Variants in PELI2 observed in about 807,000 individuals in gnomAD.
PELI2 encodes E3 ubiquitin-protein ligase pellino homolog 2.
Under a neutral mutation model 42.3 loss-of-function variants are expected in PELI2, and 23 were observed. That is an observed-to-expected ratio of 0.54 (90% CI 0.39 to 0.77). The LOEUF is 0.77. Among genes scored for constraint, PELI2 ranks in the 30% least tolerant of loss-of-function variants. The pLI is 0.00. For synonymous variants in PELI2, 245 were observed against 212.2 expected, an observed-to-expected ratio of 1.15 and a Z score of -1.34; for missense variants, 463 against 553.2, an observed-to-expected ratio of 0.84 and a Z score of 1.64.
chr14:56,201,940 G>A lies in PELI2; in HGVS notation c.207+23476G>A, dbSNP rs966677897. 1.3e-5 allele frequency among the ~76,000 whole-genome samples: 2 copies of A among 152,314 alleles called. 1 individual carries two copies. The highest frequency in any genetic ancestry group is 3.9e-4 in the East Asian group (2 of 5,190). On this transcript the variant is annotated intron_variant, in intron 2 of 5. Coordinates refer to ENST00000267460, the MANE Select transcript of PELI2 (RefSeq NM_021255.3). ...TCTACTGAATGTTAACTATGTGTTA[G>A]ATACTATTCTAGCACTTAACATGTG...
At chr14:56,292,185 T>C (rs952642380) in intron 5 of PELI2, among the ~76,000 whole-genome samples, 2 of 152,230 alleles carry the variant, frequency 1.3e-5, no homozygotes, top group African/African-American at 4.8e-5. Flanking sequence ...ATATACAGGC[T>C]ATTTTTGAAG....
At chr14:56,193,107 G>A (rs1886010204) in intron 2 of PELI2, among the ~76,000 whole-genome samples, 4 of 152,158 alleles carry the variant, frequency 2.6e-5, no homozygotes, top group Admixed American at 2.6e-4. Flanking sequence ...GAAATAGAGG[G>A]AGATGACTTA....
rs1449861014 is a variant in PELI2, at chr14:56,273,905, G to C, written c.208-5771G>C. 2.0e-5 allele frequency among the ~76,000 whole-genome samples: 3 copies of C among 152,216 alleles called. No individual in the cohort carries two copies. In the East Asian group the frequency reaches 5.8e-4, roughly 29 times the overall value. On this transcript the variant is annotated intron_variant, in intron 2 of 5. Transcript: ENST00000267460. This position sits in a 1 kb window ranked among gnomAD's most constrained non-coding sequence, Gnocchi z 4.3. ...GACAGGTAGTTCCACGTTTGATTCA[G>C]CATCTCAAAGATGTCAGGGCTCTGA...
At chr14:56,272,221 G>A (rs901490228) in intron 2 of PELI2, among the ~76,000 whole-genome samples, 12 of 152,218 alleles carry the variant, frequency 7.9e-5, no homozygotes, top group African/African-American at 2.9e-4. Context: ...GGGATGTCTA[G>A]ACAAGAGGGA....
chr14:56,256,542 C>T (rs976075407), intron 2 of PELI2, among the ~76,000 whole-genome samples: 11 of 151,980 alleles, frequency 7.2e-5, no homozygotes, highest in South Asian at 4.2e-4. Context: ...AGCATATATC[C>T]GGAAAATATT....
At position 56,197,078 on chromosome 14, in the gene PELI2, T is replaced by C. The variant is rs1322728149; in HGVS notation, c.207+18614T>C. On this transcript the variant is annotated intron_variant, in intron 2 of 5. Coordinates refer to ENST00000267460, the MANE Select transcript of PELI2 (RefSeq NM_021255.3). The surrounding 1 kb of genome is among the most constrained non-coding windows in gnomAD (Gnocchi z 4.9). ...TAATTAATATTAATTGAGCATCTGCTGTGTGCCAGGCCCTGGGCTCTGCAT... is the reference window on the plus strand; with the variant it reads ...TAATTAATATTAATTGAGCATCTGCCGTGTGCCAGGCCCTGGGCTCTGCAT... Among the ~76,000 whole-genome samples, 1 of 152,208 alleles carries C rather than the reference T, an allele frequency of 6.6e-6. No individual in the cohort carries two copies. Among genetic ancestry groups the C allele is most frequent in the East Asian group, 1.9e-4 (1 of 5,198 alleles).
At chr14:56,129,461 C>T (rs1883400065) in intron 1 of PELI2, among the ~76,000 whole-genome samples, 1 of 152,212 alleles carries the variant, frequency 6.6e-6, no homozygotes, top group Non-Finnish European at 1.5e-5. Flanking sequence ...GGTTAAACTC[C>T]ACTGGCAGAG....
chr14:56,186,881 G>A (rs1203759138), intron 2 of PELI2, among the ~76,000 whole-genome samples: 2 of 152,110 alleles, frequency 1.3e-5, no homozygotes, highest in East Asian at 3.9e-4. Context: ...AGTTCTATCT[G>A]CATTTATAAT....
At chr14:56,213,590 A>G (rs1226230252) in intron 2 of PELI2, among the ~76,000 whole-genome samples, 2 of 152,198 alleles carry the variant, frequency 1.3e-5, no homozygotes, top group South Asian at 2.1e-4. Flanking sequence ...TGACAGTTTC[A>G]TTGTAAAGAG....
At chr14:56,126,983 G>T (rs142742948) in intron 1 of PELI2, among the ~76,000 whole-genome samples, 1 of 152,078 alleles carries the variant, frequency 6.6e-6, no homozygotes, top group Admixed American at 6.5e-5. Context: ...TTGTCTCCTC[G>T]GGTTGTTGAT....
At chr14:56,119,669 C>T (rs1421302775) in intron 1 of PELI2, 1 of 662,952 alleles carries the variant, frequency 1.5e-6, no homozygotes, top group East Asian at 1.4e-4. Flanking sequence ...GCTTTGCGGG[C>T]TTAAAACTGG....
At chr14:56,211,837 C>A (rs1179952963) in intron 2 of PELI2, among the ~76,000 whole-genome samples, 1 of 151,708 alleles carries the variant, frequency 6.6e-6, no homozygotes, top group African/African-American at 2.4e-5. Flanking sequence ...CTAGGCAATC[C>A]ATCTCTTCTT....
intron 1 of PELI2, among the ~76,000 whole-genome samples, chr14:56,128,998 C>T (rs948947896): frequency 2.0e-5 from 3 of 151,966 alleles, no homozygotes; most frequent in South Asian, 2.1e-4. Flanking sequence ...GAAGGCACAT[C>T]GAGAGGTTGA....
intron 2 of PELI2, among the ~76,000 whole-genome samples, chr14:56,245,017 A>G (rs1191783025): frequency 6.6e-6 from 1 of 152,240 alleles, no homozygotes; most frequent in Non-Finnish European, 1.5e-5. Context: ...AATGTTGGGC[A>G]TATGTAACAA....
Position 56,186,626 on chromosome 14 carries a change from A to G in PELI2, c.207+8162A>G, listed in dbSNP as rs145842628. The stretch of plus-strand genomic sequence containing the variant: ...GAAAGGTTGGGGAAGAGATGAAAGA[A>G]TTGAGAGGCAGGGAATGAGGTTTTT... On this transcript the variant is annotated intron_variant, in intron 2 of 5. Transcript: ENST00000267460. 5.5e-4 allele frequency among the ~76,000 whole-genome samples: 84 copies of G among 152,292 alleles called. No homozygotes were observed. In the East Asian group the frequency reaches 0.011, roughly 20 times the overall value.
At chr14:56,193,741 T>C (rs1029518080) in intron 2 of PELI2, among the ~76,000 whole-genome samples, 1 of 152,242 alleles carries the variant, frequency 6.6e-6, no homozygotes, top group African/African-American at 2.4e-5. Flanking sequence ...AACACGCTTC[T>C]GATAAAGAAT....
chr14:56,279,735 G>A lies in PELI2; in HGVS notation c.267G>A (p.Val89=). The A allele has an allele frequency of 1.2e-6, 2 of 1,603,486 alleles. No homozygotes were observed. Among genetic ancestry groups the A allele is most frequent in the Non-Finnish European group, 1.7e-6 (2 of 1,170,844 alleles). Residue 89 remains valine (V), a synonymous_variant, in exon 3 of 6, where the codon GTG becomes GTA. Coordinates refer to ENST00000267460, the MANE Select transcript of PELI2 (RefSeq NM_021255.3). ...ACACTTTGTCAAGGAATCAGACTGT[G>A]GTGGTGGAGTACACACATGATAAGG... ...ISYTLSRNQT[V]VVEYTHDKDT... is the part of the protein sequence containing the mutation.
chr14:56,126,799 G>A (rs1030933359), intron 1 of PELI2, among the ~76,000 whole-genome samples: 25 of 152,270 alleles, frequency 1.6e-4, no homozygotes, highest in Admixed American at 7.8e-4. Flanking sequence ...TAGACACAAA[G>A]GAGTGTGCTT....
intron 1 of PELI2, among the ~76,000 whole-genome samples, chr14:56,148,186 T>C (rs74051804): frequency 1.3e-4 from 20 of 152,308 alleles, no homozygotes; most frequent in African/African-American, 4.8e-4. Context: ...TGAGCTTTTT[T>C]TACTTCCTTA....
Sources: allele counts gnomAD v4.1 joint callset (sites outside exome capture counted in the v4.1 genomes callset), GRCh38; gene constraint gnomAD v4.1.1; non-coding constraint Gnocchi (gnomAD v3.1); transcripts MANE v1.5; gene names NCBI Gene and HGNC (gene_info 2026-07-23, HGNC 2026-07-21).